Variants in RSPH9 observed in about 807,000 individuals in gnomAD.
The protein encoded by RSPH9 is radial spoke head protein 9 homolog.
Under a neutral mutation model 27.0 loss-of-function variants are expected in RSPH9, and 27 were observed. That is an observed-to-expected ratio of 1.00 (90% CI 0.74 to 1.38). The LOEUF (loss-of-function observed/expected upper bound fraction) is 1.38. Among genes scored for constraint, RSPH9 ranks in the 40% most tolerant of loss-of-function variants. RSPH9 has a pLI of 0.00. For missense variants in RSPH9, 347 were observed against 357.4 expected, an observed-to-expected ratio of 0.97 and a Z score of 0.24; for synonymous variants, 145 against 147.7, an observed-to-expected ratio of 0.98 and a Z score of 0.13.
chr6:43,651,365 C>G (rs1322430137), intron 2 of RSPH9, among the ~76,000 whole-genome samples: 1 of 152,120 alleles, frequency 6.6e-6, no homozygotes, highest in Non-Finnish European at 1.5e-5. Flanking sequence ...CTGTGCTGTA[C>G]TCTGGGGTCA....
Position 43,650,543 on chromosome 6 carries a change from G to A in RSPH9, c.393+3G>A. 6.2e-7 allele frequency: 1 copy of A among 1,614,014 alleles called. No homozygotes were observed. The highest frequency in any genetic ancestry group is 8.5e-7 in the Non-Finnish European group (1 of 1,179,972). On this transcript the variant is annotated splice_donor_region_variant and intron_variant, in intron 2 of 4. Coordinates refer to ENST00000372163, the MANE Select transcript of RSPH9 (RefSeq NM_152732.5). ...AAGTCTTTGAAGAAGAAATAGTGGT[G>A]AGTGAAGAGGAGAGCAGGAGGAGGG... is the stretch of plus-strand genomic sequence containing the variant.
intron 4 of RSPH9, among the ~76,000 whole-genome samples, chr6:43,663,779 C>T (rs1191468417): frequency 6.6e-6 from 1 of 151,950 alleles, no homozygotes; most frequent in Non-Finnish European, 1.5e-5. Context: ...CCTGTAATTC[C>T]AGCACTTTGG....
In RSPH9 at chr6:43,672,235, C is replaced by T. The variant is rs1272060775; in HGVS notation, c.*1286C>T. On this transcript the variant is annotated 3_prime_UTR_variant, in exon 5 of 5. Coordinates refer to ENST00000372163, the MANE Select transcript of RSPH9 (RefSeq NM_152732.5). ...AGGCTGCCTGAAGAGCAGATCATTC[C>T]TCTCTGGCCTCAGCCATGGGGCGAG... 6 of 436,416 alleles carry T rather than the reference C, an allele frequency of 1.4e-5. No homozygotes were observed. The highest frequency in any genetic ancestry group is 2.7e-5 in the Non-Finnish European group (6 of 220,868). 27.0% of individuals were successfully genotyped at this position (436,416 alleles called of 1,614,324 possible).
At chr6:43,647,081 T>C (rs1445211531) in intron 1 of RSPH9, among the ~76,000 whole-genome samples, 1 of 151,864 alleles carries the variant, frequency 6.6e-6, no homozygotes, top group East Asian at 1.9e-4. Flanking sequence ...CAGTTAACTA[T>C]GGATCACTAC....
chr6:43,664,322 C>G (rs78918890), intron 4 of RSPH9, among the ~76,000 whole-genome samples: 9,557 of 152,174 alleles, frequency 0.063, 384 homozygotes, highest in African/African-American at 0.11. Context: ...CCTCTGCCTC[C>G]CGGGTTTGAG....
At chr6:43,667,990 A>G (rs1177596541) in intron 4 of RSPH9, among the ~76,000 whole-genome samples, 1 of 151,878 alleles carries the variant, frequency 6.6e-6, no homozygotes, top group African/African-American at 2.4e-5. Context: ...GGTGGGTGAG[A>G]CCCTGTGGGC....
At position 43,650,482 on chromosome 6, in the gene RSPH9, A is replaced by G; in HGVS notation, c.335A>G (p.Glu112Gly). 6.2e-7 allele frequency: 1 copy of G among 1,614,188 alleles called. No homozygotes were observed. The highest frequency in any genetic ancestry group is 8.5e-7 in the Non-Finnish European group (1 of 1,180,044). ...RFMGDPSYEY[E>G]HTELQKVNEG... ...ATGGGGGACCCATCATACGAATATG[A>G]ACACACTGAGCTGCAGAAGGTGAAT... The change falls in exon 2 of 5, where the codon GAA (glutamate) becomes GGA (glycine). Residue 112 changes from glutamate (E) to glycine (G), a missense_variant. Coordinates refer to ENST00000372163, the MANE Select transcript of RSPH9 (RefSeq NM_152732.5).
At chr6:43,669,161 C>A (rs932513146) in intron 4 of RSPH9, among the ~76,000 whole-genome samples, 2 of 152,186 alleles carry the variant, frequency 1.3e-5, no homozygotes, top group Non-Finnish European at 2.9e-5. Flanking sequence ...AACACAGGGG[C>A]ACTACTTTCT....
intron 4 of RSPH9, among the ~76,000 whole-genome samples, chr6:43,657,349 G>A (rs527946635): frequency 1.3e-5 from 2 of 152,344 alleles, no homozygotes; most frequent in South Asian, 4.1e-4. Context: ...CTCATGAAAT[G>A]TGACACTGCT....
intron 4 of RSPH9, among the ~76,000 whole-genome samples, chr6:43,669,770 T>TC (rs1773527376): frequency 6.6e-6 from 1 of 152,194 alleles, no homozygotes; most frequent in Non-Finnish European, 1.5e-5. Context: ...TGTGGCTCCC[T>TC]CCCTCGGTTC....
chr6:43,671,993 G>T lies in RSPH9; in HGVS notation c.*1044G>T. On this transcript the variant is annotated 3_prime_UTR_variant, in exon 5 of 5. Coordinates refer to ENST00000372163, the MANE Select transcript of RSPH9 (RefSeq NM_152732.5). ...GTGGAGCACTACCTCCTCAGGCCAG[G>T]CCACGGTTGGGCAAGCAAATCCTTT... is the stretch of plus-strand genomic sequence containing the variant. 1 of 1,414,154 alleles carries T rather than the reference G, an allele frequency of 7.1e-7. No homozygotes were observed. The highest frequency in any genetic ancestry group is 9.4e-7 in the Non-Finnish European group (1 of 1,066,230). The allele number at this position is 1,414,154 out of a possible 1,614,324, so 87.6% of individuals were successfully genotyped here.
chr6:43,646,754 A>G (rs1376065653), intron 1 of RSPH9, among the ~76,000 whole-genome samples: 1 of 150,412 alleles, frequency 6.6e-6, no homozygotes, highest in Non-Finnish European at 1.5e-5. Context: ...CGAGGTCAGG[A>G]GATTGAGACC....
At chr6:43,650,902 C>CTA (rs1771394259) in intron 2 of RSPH9, among the ~76,000 whole-genome samples, 1 of 126,450 alleles carries the variant, frequency 7.9e-6, no homozygotes, top group African/African-American at 3.9e-5. Flanking sequence ...GAGACCCTGT[C>CTA]TATAAAAAAA....
chr6:43,654,663 A>C (rs1771825104), intron 2 of RSPH9, among the ~76,000 whole-genome samples: 1 of 152,062 alleles, frequency 6.6e-6, no homozygotes, highest in Non-Finnish European at 1.5e-5. Context: ...TCTCTACTAA[A>C]AATACAAAAA....
In RSPH9 at chr6:43,671,985, C is replaced by T. The variant is rs2127938453; in HGVS notation, c.*1036C>T. ...GTGGGAGAGTGGAGCACTACCTCCTCAGGCCAGGCCACGGTTGGGCAAGCA... is the reference window on the plus strand; with the variant it reads ...GTGGGAGAGTGGAGCACTACCTCCTTAGGCCAGGCCACGGTTGGGCAAGCA... On this transcript the variant is annotated 3_prime_UTR_variant, in exon 5 of 5. Coordinates refer to ENST00000372163, the MANE Select transcript of RSPH9 (RefSeq NM_152732.5). 2 of 1,439,348 alleles carry T rather than the reference C, an allele frequency of 1.4e-6. No individual in the cohort carries two copies. Among genetic ancestry groups the T allele is most frequent in the African/African-American group, 2.9e-5 (2 of 69,948 alleles). 89.2% of individuals were successfully genotyped at this position (1,439,348 alleles called of 1,614,324 possible).
At chr6:43,667,514 C>CGG (rs573370058) in intron 4 of RSPH9, among the ~76,000 whole-genome samples, 2 of 152,090 alleles carry the variant, frequency 1.3e-5, no homozygotes, top group African/African-American at 4.8e-5. Flanking sequence ...GGCATGGGCG[C>CGG]GGGGGGGAAC....
chr6:43,655,528 C>T, intron 2 of RSPH9, 34 bp from the exon 3 acceptor site: 1 of 1,613,812 alleles, frequency 6.2e-7, no homozygotes. Context: ...GGGCACAGTG[C>T]CCTGGCAGGG....
At chr6:43,650,261 T>G in intron 1 of RSPH9, 114 bp from the exon 2 acceptor site, 7 of 1,225,302 alleles carry the variant, frequency 5.7e-6, no homozygotes, top group Non-Finnish European at 8.2e-6. Flanking sequence ...GGAGGAAAGG[T>G]GGCCATTTCA....
Position 43,650,439 on chromosome 6 carries a change from G to C in RSPH9, c.292G>C (p.Val98Leu), listed in dbSNP as rs749068506. 5 of 1,614,014 alleles carry C rather than the reference G, an allele frequency of 3.1e-6. No individual in the cohort carries two copies. Among genetic ancestry groups the C allele is most frequent in the Non-Finnish European group, 4.2e-6 (5 of 1,180,012 alleles). ...ATEEMVAQSS[V>L]VKGRFMGDPS... ...AGAGGAGATGGTGGCGCAGTCGTCT[G>C]TGGTGAAGGGCCGCTTCATGGGGGA... The change falls in exon 2 of 5, where the codon GTG (valine) becomes CTG (leucine). Residue 98 changes from valine (V) to leucine (L), a missense_variant. Val to Leu is a conservative substitution (Grantham distance 32, BLOSUM62 1). Transcript: ENST00000372163.
Sources: allele counts gnomAD v4.1 joint callset (sites outside exome capture counted in the v4.1 genomes callset), GRCh38; gene constraint gnomAD v4.1.1; transcripts MANE v1.5; gene names NCBI Gene and HGNC (gene_info 2026-07-23, HGNC 2026-07-21).